The following ZMAT3 variants were observed in gnomAD, a reference collection of about 807,000 sequenced individuals.
ZMAT3 encodes the protein zinc finger matrin-type protein 3.
ZMAT3 carries 17 observed loss-of-function variants against 32.3 expected under a neutral mutation model. That is an observed-to-expected ratio of 0.53 (90% CI 0.36 to 0.79). The LOEUF (loss-of-function observed/expected upper bound fraction) is 0.79. ZMAT3 is among the 30% of genes least tolerant of loss of function. ZMAT3 has a pLI of 0.00. For missense variants in ZMAT3, 329 were observed against 359.7 expected (o/e 0.91, Z 0.69); for synonymous variants, 120 against 133.1 (o/e 0.90, Z 0.68).
chr3:179,070,816 T>C (rs1721669780), intron 1 of ZMAT3, among the ~76,000 whole-genome samples: 1 of 152,228 alleles, frequency 6.6e-6, no homozygotes, highest in African/African-American at 2.4e-5. Flanking sequence ...CAAGGTACCC[T>C]GTTTAAAGAA....
intron 2 of ZMAT3, among the ~76,000 whole-genome samples, chr3:179,042,909 A>C (rs1423581279): frequency 6.6e-6 from 1 of 152,240 alleles, no homozygotes; most frequent in Non-Finnish European, 1.5e-5. Flanking sequence ...AAAAATCACA[A>C]GCACTCCTAT....
chr3:179,047,080 C>T (rs1047919148), intron 2 of ZMAT3, among the ~76,000 whole-genome samples: 1 of 152,182 alleles, frequency 6.6e-6, no homozygotes, highest in Admixed American at 6.5e-5. Flanking sequence ...AAAAATACAA[C>T]CAAGGACCCT....
intron 2 of ZMAT3, among the ~76,000 whole-genome samples, chr3:179,033,624 T>A (rs1719421823): frequency 1.3e-5 from 2 of 152,218 alleles, no homozygotes. Context: ...GCCATTTATA[T>A]GCCACAGATA....
intron 2 of ZMAT3, among the ~76,000 whole-genome samples, chr3:179,042,693 T>C (rs1328932686): frequency 4.6e-5 from 7 of 152,190 alleles, no homozygotes; most frequent in Non-Finnish European, 7.3e-5. Flanking sequence ...TCACCACTCC[T>C]ATTCAACATA....
intron 2 of ZMAT3, among the ~76,000 whole-genome samples, chr3:179,059,995 T>C (rs1721067831): frequency 6.6e-6 from 1 of 152,034 alleles, no homozygotes; most frequent in Non-Finnish European, 1.5e-5. Flanking sequence ...GGTGAAGAAA[T>C]AGCCAATCAT....
intron 2 of ZMAT3, among the ~76,000 whole-genome samples, chr3:179,066,618 C>T (rs1374743555): frequency 2.6e-5 from 4 of 152,096 alleles, no homozygotes; most frequent in South Asian, 2.1e-4. Context: ...CAGTGATGAC[C>T]CGGGAAGACA....
intron 5 of ZMAT3, among the ~76,000 whole-genome samples, 168 bp from the exon 6 acceptor site, chr3:179,025,396 A>G (rs151010860): frequency 6.6e-6 from 1 of 152,380 alleles, no homozygotes; most frequent in African/African-American, 2.4e-5. Context: ...AATTTTACAC[A>G]GGTTCGATCT....
At chr3:179,067,011 A>T (rs1232580139) in intron 2 of ZMAT3, among the ~76,000 whole-genome samples, 3 of 152,224 alleles carry the variant, frequency 2.0e-5, no homozygotes, top group African/African-American at 7.2e-5. Context: ...AGAAGTCAAA[A>T]ATGGAAAGCA....
In ZMAT3 at chr3:179,022,546, G is replaced by GC. The variant is rs1483756116; in HGVS notation, c.*2470dup. Reference sequence around the variant, plus strand: ...AAAATTAACCAAAAAATTATATTTAGCAGCAAAATGAATAACCTACTGGCC... The same window carrying GC: ...AAAATTAACCAAAAAATTATATTTAGCCAGCAAAATGAATAACCTACTGGCC... On this transcript the variant is annotated 3_prime_UTR_variant, in exon 6 of 6. Coordinates refer to ENST00000311417, the MANE Select transcript of ZMAT3 (RefSeq NM_022470.4). The GC allele has an allele frequency of 6.6e-6, 1 of 151,046 alleles. No individual in the cohort carries two copies. Among genetic ancestry groups the GC allele is most frequent in the Non-Finnish European group, 1.5e-5 (1 of 67,810 alleles). 9.4% of individuals were successfully genotyped at this position (151,046 alleles called of 1,614,324 possible).
At position 179,017,947 on chromosome 3, in the gene ZMAT3, G is replaced by C. The variant is rs1454385077; in HGVS notation, c.*7070C>G. 2.6e-5 allele frequency: 4 copies of C among 152,228 alleles called. No individual in the cohort carries two copies. Among genetic ancestry groups the C allele is most frequent in the East Asian group, 3.9e-4 (2 of 5,174 alleles). 9.4% of individuals were successfully genotyped at this position (152,228 alleles called of 1,614,324 possible). On this transcript the variant is annotated 3_prime_UTR_variant, in exon 6 of 6. Coordinates refer to ENST00000311417, the MANE Select transcript of ZMAT3 (RefSeq NM_022470.4). ...AAACTAAATCATTATGGTCAGTCAA[G>C]GATACCACAGGTGAACACCAAGTAA...
intron 2 of ZMAT3, among the ~76,000 whole-genome samples, chr3:179,033,275 T>C (rs1204210303): frequency 1.3e-5 from 2 of 152,200 alleles, no homozygotes; most frequent in Non-Finnish European, 2.9e-5. Flanking sequence ...GTTAAACAGA[T>C]GCTTGAAGGC....
At chr3:179,061,939 T>C (rs992143731) in intron 2 of ZMAT3, among the ~76,000 whole-genome samples, 2 of 151,970 alleles carry the variant, frequency 1.3e-5, no homozygotes, top group Non-Finnish European at 2.9e-5. Context: ...ATCTTGACAG[T>C]GTCAAAGTAA....
intron 2 of ZMAT3, among the ~76,000 whole-genome samples, chr3:179,049,883 T>C (rs1720451683): frequency 6.7e-6 from 1 of 150,100 alleles, no homozygotes; most frequent in African/African-American, 2.5e-5. Context: ...TCTCAGCTAC[T>C]CGGGAGGCTG....
At chr3:179,035,928 C>A (rs1392713851) in intron 2 of ZMAT3, among the ~76,000 whole-genome samples, 2 of 152,100 alleles carry the variant, frequency 1.3e-5, no homozygotes, top group African/African-American at 4.8e-5. Flanking sequence ...AAACTGTGCA[C>A]CAAGAAAATA....
At position 179,027,806 on chromosome 3, in the gene ZMAT3, A is replaced by G. The variant is rs777731909; in HGVS notation, c.397T>C (p.Ser133Pro). 2 of 1,605,010 alleles carry G rather than the reference A, an allele frequency of 1.2e-6. No individual in the cohort carries two copies. Among genetic ancestry groups the G allele is most frequent in the Non-Finnish European group, 1.7e-6 (2 of 1,177,254 alleles). The change falls in exon 4 of 6, where the codon TCC (serine) becomes CCC (proline). Residue 133 changes from serine (S) to proline (P), a missense_variant. By Grantham distance (74) the Ser-to-Pro change is moderately conservative (BLOSUM62 -1). Coordinates refer to ENST00000311417, the MANE Select transcript of ZMAT3 (RefSeq NM_022470.4). ...PVVPVPPQMG[S>P]FKPGGRVILA... is the part of the protein sequence containing the mutation. ...ATCACTCGGCCTCCTGGCTTAAAGG[A>G]GCCCATCTGACATCAAAGACACAAG...
At chr3:179,054,145 A>T (rs1720711928) in intron 2 of ZMAT3, among the ~76,000 whole-genome samples, 1 of 152,240 alleles carries the variant, frequency 6.6e-6, no homozygotes, top group African/African-American at 2.4e-5. Context: ...AACTCGGCCA[A>T]TGCCACAATT....
intron 2 of ZMAT3, among the ~76,000 whole-genome samples, chr3:179,043,330 C>T (rs1720056050): frequency 6.6e-6 from 1 of 152,214 alleles, no homozygotes; most frequent in Non-Finnish European, 1.5e-5. Context: ...AACTATACTA[C>T]AAGCCTACAG....
At chr3:179,064,446 T>C (rs1024266571) in intron 2 of ZMAT3, among the ~76,000 whole-genome samples, 2 of 152,200 alleles carry the variant, frequency 1.3e-5, no homozygotes, top group African/African-American at 4.8e-5. Context: ...CTTCTCTTTT[T>C]TGTGTGTTTT....
At position 179,057,645 on chromosome 3, in the gene ZMAT3, C is replaced by G. The variant is rs1040258359; in HGVS notation, c.270+9838G>C. ...TACCTGTGGCTACAAGGTTTCCAAA[C>G]CAAAGGCTCAGCTCTGCTCACAGCA... On this transcript the variant is annotated intron_variant, in intron 2 of 5. Transcript: ENST00000311417. 3.9e-5 allele frequency among the ~76,000 whole-genome samples: 6 copies of G among 152,234 alleles called. 1 individual carries two copies. The highest frequency in any genetic ancestry group is 8.8e-5 in the Non-Finnish European group (6 of 68,038).
Sources: allele counts gnomAD v4.1 joint callset (sites outside exome capture counted in the v4.1 genomes callset), GRCh38; gene constraint gnomAD v4.1.1; transcripts MANE v1.5; gene names NCBI Gene and HGNC (gene_info 2026-07-23, HGNC 2026-07-21).